Variants in BCAS3 observed in about 807,000 individuals in gnomAD.
BCAS3 encodes the protein BCAS4/BCAS3 fusion.
Under a neutral mutation model 116.1 loss-of-function variants are expected in BCAS3, and 53 were observed. The observed-to-expected ratio is 0.46, with a 90% CI of 0.37 to 0.57. The LOEUF is 0.57. Among genes scored for constraint, BCAS3 ranks in the 20% least tolerant of loss-of-function variants. The pLI is 0.00. For missense variants in BCAS3, 917 were observed against 1,165.4 expected (o/e 0.79, Z 3.10); for synonymous variants, 391 against 408.2 (o/e 0.96, Z 0.51).
chr17:60,995,520 A>G lies in BCAS3; in HGVS notation c.1486+5285A>G, dbSNP rs911724385. Among the ~76,000 whole-genome samples, 12 of 150,488 alleles carry G rather than the reference A, an allele frequency of 8.0e-5. No individual in the cohort carries two copies. The highest frequency in any genetic ancestry group is 2.7e-4 in the African/African-American group (11 of 40,912). On this transcript the variant is annotated intron_variant, in intron 15 of 23. Transcript: ENST00000407086. The surrounding 1 kb of genome is among the most constrained non-coding windows in gnomAD (Gnocchi z 4.7). ...ACAATGTTGGCCAGGCTGGTCTCAA[A>G]CTCCTGACCTCAAGTGATCCACCTG...
intron 22 of BCAS3, among the ~76,000 whole-genome samples, chr17:61,173,954 T>C (rs900945035): frequency 6.6e-6 from 1 of 152,140 alleles, no homozygotes; most frequent in African/African-American, 2.4e-5. Context: ...AAACAAACCT[T>C]AGTTCTTCAT....
chr17:61,024,895 T>C (rs926274516), intron 16 of BCAS3, among the ~76,000 whole-genome samples: 1 of 152,046 alleles, frequency 6.6e-6, no homozygotes, highest in South Asian at 2.1e-4. Flanking sequence ...AATAAATCAA[T>C]ATGCTGATGT....
At position 61,209,827 on chromosome 17, in the gene BCAS3, G is replaced by A. The variant is rs796452995; in HGVS notation, c.2425+125263G>A. ...ACTCTGGGGTTTAAAGTGGATGGCC[G>A]GCCAGCATAATGGCCCTATGTTTAA... On this transcript the variant is annotated intron_variant, in intron 22 of 23. Coordinates refer to ENST00000407086, the MANE Select transcript of BCAS3 (RefSeq NM_017679.5). Among the ~76,000 whole-genome samples the A allele has an allele frequency of 3.8e-4, 58 of 152,256 alleles. 1 individual carries two copies. The highest frequency in any genetic ancestry group is 2.1e-4 in the South Asian group (1 of 4,824).
rs1185546009 is a variant in BCAS3 at position 61,023,909 on chromosome 17, A to G, written c.1637+8008A>G. Among the ~76,000 whole-genome samples, 1 of 152,202 alleles carries G rather than the reference A, an allele frequency of 6.6e-6. No individual in the cohort carries two copies. ...ATATGGCATATTTGTTAAGCCTGCT[A>G]AAATTTAATGGTGATTGGAAAACAC... On this transcript the variant is annotated intron_variant, in intron 16 of 23. Coordinates refer to ENST00000407086, the MANE Select transcript of BCAS3 (RefSeq NM_017679.5). This position sits in a 1 kb window ranked among gnomAD's most constrained non-coding sequence, Gnocchi z 4.8.
At chr17:60,824,086 A>G (rs919724597) in intron 7 of BCAS3, among the ~76,000 whole-genome samples, 1 of 152,014 alleles carries the variant, frequency 6.6e-6, no homozygotes, top group African/African-American at 2.4e-5. Context: ...TATTCAATTC[A>G]TTTTTCTTTC....
In BCAS3 at chr17:60,750,080, T is replaced by C. The variant is rs562707551; in HGVS notation, c.403+2801T>C. Among the ~76,000 whole-genome samples, 2 of 152,166 alleles carry C rather than the reference T, an allele frequency of 1.3e-5. 1 individual carries two copies. The highest frequency in any genetic ancestry group is 4.2e-4 in the South Asian group (2 of 4,816). On this transcript the variant is annotated intron_variant, in intron 6 of 23. Coordinates refer to ENST00000407086, the MANE Select transcript of BCAS3 (RefSeq NM_017679.5). ...TACTCGGGAGGGTGAAGCAGGAGAA[T>C]TGTTTGAACTTGGGAGGCAGAGGTT...
At chr17:60,929,191 G>A (rs912060125) in intron 13 of BCAS3, among the ~76,000 whole-genome samples, 2 of 152,148 alleles carry the variant, frequency 1.3e-5, no homozygotes, top group Admixed American at 6.6e-5. Context: ...AGGCTGAGAT[G>A]GGGGGACCAA....
chr17:61,371,435 GGGTTGAAGGATAGCTTT>G (rs2059035250), intron 23 of BCAS3, among the ~76,000 whole-genome samples: 1 of 152,126 alleles, frequency 6.6e-6, no homozygotes, highest in Non-Finnish European at 1.5e-5. Flanking sequence ...AGTGGTCTGG[GGGTTGAAGGATAGCTTT>G]GGTCAAAGGA....
Position 61,013,157 on chromosome 17 carries a change from G to GT in BCAS3, c.1487-2592dup, listed in dbSNP as rs1205689547. 6.6e-6 allele frequency among the ~76,000 whole-genome samples: 1 copy of GT among 151,872 alleles called. No individual in the cohort carries two copies. The highest frequency in any genetic ancestry group is 2.4e-5 in the African/African-American group (1 of 41,362). The stretch of plus-strand genomic sequence containing the variant: ...TTCCTTGAGCCCTTTTCCATATAAA[G>GT]TTGTTCCCACGTCTGCTTATCTTTG... On this transcript the variant is annotated intron_variant, in intron 15 of 23. Transcript: ENST00000407086. This position sits in a 1 kb window ranked among gnomAD's most constrained non-coding sequence, Gnocchi z 4.4.
rs2065159448 is a variant in BCAS3, at chr17:61,012,198, T to C, written c.1487-3553T>C. 6.6e-6 allele frequency among the ~76,000 whole-genome samples: 1 copy of C among 152,092 alleles called. No individual in the cohort carries two copies. Among genetic ancestry groups the C allele is most frequent in the African/African-American group, 2.4e-5 (1 of 41,440 alleles). ...CTTTCTGTAACATTACATTATGAAC[T>C]CTTTGAAAGTCCCTTGGACTTACTC... On this transcript the variant is annotated intron_variant, in intron 15 of 23. Transcript: ENST00000407086. The surrounding 1 kb of genome is among the most constrained non-coding windows in gnomAD (Gnocchi z 4.5).
At chr17:60,750,174 A>G (rs2042334511) in intron 6 of BCAS3, among the ~76,000 whole-genome samples, 1 of 152,170 alleles carries the variant, frequency 6.6e-6, no homozygotes, top group Non-Finnish European at 1.5e-5. Context: ...CTCAAAAAAA[A>G]AAAAGAAAAT....
chr17:60,717,133 T>C (rs2038703849), intron 5 of BCAS3, among the ~76,000 whole-genome samples: 1 of 152,158 alleles, frequency 6.6e-6, no homozygotes, highest in African/African-American at 2.4e-5. Flanking sequence ...TATGGGTATT[T>C]GAGGGAGGAA....
intron 7 of BCAS3, among the ~76,000 whole-genome samples, chr17:60,858,131 G>T (rs754913739): frequency 2.0e-5 from 3 of 152,072 alleles, no homozygotes; most frequent in Non-Finnish European, 4.4e-5. Context: ...CAGAGGACTG[G>T]ATTAATTTGT....
At chr17:61,329,343 A>ATTATTATTTTTTT (rs1555831750) in intron 22 of BCAS3, among the ~76,000 whole-genome samples, 25 of 131,294 alleles carry the variant, frequency 1.9e-4, no homozygotes, top group Middle Eastern at 4.1e-3. Context: ...TATTATTATT[A>ATTATTATTTTTTT]TTTTTTTTTT....
chr17:61,022,480 G>A (rs1167899972), intron 16 of BCAS3, among the ~76,000 whole-genome samples: 2 of 152,012 alleles, frequency 1.3e-5, no homozygotes, highest in Non-Finnish European at 2.9e-5. Context: ...TCTTGACCTC[G>A]TGATCCACCT....
At chr17:60,696,493 T>A (rs189029648) in intron 4 of BCAS3, 9 of 152,284 alleles carry the variant, frequency 5.9e-5, no homozygotes, top group Admixed American at 5.9e-4. Flanking sequence ...TAAGGAGGGG[T>A]GAACCAGCCC....
Position 60,853,953 on chromosome 17 carries a change from A to G in BCAS3, c.477-14623A>G, listed in dbSNP as rs140656487. Among the ~76,000 whole-genome samples, 468 of 152,082 alleles carry G rather than the reference A, an allele frequency of 3.1e-3. 1 individual carries two copies. The highest frequency in any genetic ancestry group is 0.017 in the Middle Eastern group (5 of 294). Reference sequence around the variant, plus strand: ...TCTAGGGTACATGTGCACAATGTGCAGGTTTGTTACATACGTATACACACG... The same window carrying G: ...TCTAGGGTACATGTGCACAATGTGCGGGTTTGTTACATACGTATACACACG... On this transcript the variant is annotated intron_variant, in intron 7 of 23. Coordinates refer to ENST00000407086, the MANE Select transcript of BCAS3 (RefSeq NM_017679.5).
At position 61,391,857 on chromosome 17, in the gene BCAS3, C is replaced by A; in HGVS notation, c.2594-120C>A. On this transcript the variant is annotated intron_variant, in intron 23 of 23. Transcript: ENST00000407086. The surrounding 1 kb of genome is among the most constrained non-coding windows in gnomAD (Gnocchi z 7.7). ...ATCCAGGGAGCAGGCGGGGATCCCC[C>A]TGCGGAAGGACACAAGTGAACCCAG... is the stretch of plus-strand genomic sequence containing the variant. 1.8e-6 allele frequency: 2 copies of A among 1,107,086 alleles called. No homozygotes were observed. The highest frequency in any genetic ancestry group is 2.5e-5 in the East Asian group (1 of 40,516). 68.6% of individuals were successfully genotyped at this position (1,107,086 alleles called of 1,614,324 possible).
Position 61,122,110 on chromosome 17 carries a change from C to G in BCAS3, c.2425+37546C>G, listed in dbSNP as rs1473356219. Among the ~76,000 whole-genome samples, 1 of 152,228 alleles carries G rather than the reference C, an allele frequency of 6.6e-6. No homozygotes were observed. The highest frequency in any genetic ancestry group is 1.5e-5 in the Non-Finnish European group (1 of 68,032). ...ATTTTCTTAATATTTTCAGCATAGT[C>G]TTGCCACAGCTGAAATAGGAAGAGT... On this transcript the variant is annotated intron_variant, in intron 22 of 23. Transcript: ENST00000407086. This position sits in a 1 kb window ranked among gnomAD's most constrained non-coding sequence, Gnocchi z 4.6.
Sources: allele counts gnomAD v4.1 joint callset (sites outside exome capture counted in the v4.1 genomes callset), GRCh38; gene constraint gnomAD v4.1.1; non-coding constraint Gnocchi (gnomAD v3.1); transcripts MANE v1.5; gene names NCBI Gene and HGNC (gene_info 2026-07-23, HGNC 2026-07-21).